CEP89: variants seen among roughly 807,000 people sequenced by gnomAD.
The protein encoded by CEP89 is centrosomal protein of 89 kDa.
A neutral mutation model predicts 97.6 loss-of-function variants in CEP89; 95 were observed. The observed-to-expected ratio is 0.97, with a 90% CI of 0.82 to 1.15. The LOEUF (loss-of-function observed/expected upper bound fraction) is 1.15, where lower values mean the gene tolerates loss of function less well. Ranked by LOEUF, CEP89 falls within the 50% of genes most tolerant of loss-of-function variation. The probability of loss-of-function intolerance (pLI) is 0.00; values close to 1 mark genes in which losing one functional copy is unlikely to be tolerated. For synonymous variants in CEP89, 354 were observed against 349.1 expected, an observed-to-expected ratio of 1.01 and a Z score of -0.16; for missense variants, 869 against 947.7, an observed-to-expected ratio of 0.92 and a Z score of 1.09.
rs1436944075 is a variant in CEP89, at chr19:32,971,631, T to G, written c.39+205A>C. The G allele has an allele frequency of 9.8e-6, 6 of 611,668 alleles. No individual in the cohort carries two copies. In the African/African-American group the frequency reaches 1.1e-4, roughly 12 times the overall value. The allele number at this position is 611,668 out of a possible 1,614,324, so 37.9% of individuals were successfully genotyped here. A position where few individuals can be genotyped will look rare whatever the true frequency, so the allele number is the denominator to read the frequency against. On this transcript the variant is annotated intron_variant, in intron 1 of 18. Coordinates refer to ENST00000305768, the MANE Select transcript of CEP89 (RefSeq NM_032816.5). ...ATGATCGCACCACTGCACTCTAGCC[T>G]GGGCGACAGAGCGAGACCCTGTTTC...
At chr19:32,956,923 CCT>C (rs1311742584) in intron 3 of CEP89, among the ~76,000 whole-genome samples, 1 of 152,030 alleles carries the variant, frequency 6.6e-6, no homozygotes, top group Non-Finnish European at 1.5e-5. Flanking sequence ...AGAGTATAGT[CCT>C]TCATTCATTA....
chr19:32,938,634 G>C (rs1044439380), intron 6 of CEP89, among the ~76,000 whole-genome samples: 7 of 152,138 alleles, frequency 4.6e-5, no homozygotes, highest in Admixed American at 1.3e-4. Flanking sequence ...CTATTTCCAT[G>C]TTTGCAAATT....
intron 9 of CEP89, among the ~76,000 whole-genome samples, chr19:32,927,481 T>G (rs1194991911): frequency 6.6e-6 from 1 of 152,180 alleles, no homozygotes; most frequent in Non-Finnish European, 1.5e-5. Context: ...TATAATACTA[T>G]TTTTTAACCT....
chr19:32,937,305 G>T (rs1407347143), intron 7 of CEP89, among the ~76,000 whole-genome samples: 1 of 151,872 alleles, frequency 6.6e-6, no homozygotes, highest in African/African-American at 2.4e-5. Context: ...CCTCCCACTG[G>T]GATCCCAGCA....
chr19:32,959,046 CAAAA>C (rs34340476), intron 3 of CEP89, among the ~76,000 whole-genome samples: 3 of 102,364 alleles, frequency 2.9e-5, no homozygotes, highest in Admixed American at 8.4e-5. Flanking sequence ...ACAAACAAAA[CAAAA>C]AAAAAAAAAA....
chr19:32,894,275 C>T (rs1198989921), intron 16 of CEP89, among the ~76,000 whole-genome samples: 4 of 152,150 alleles, frequency 2.6e-5, no homozygotes, highest in African/African-American at 9.7e-5. Context: ...AGTGAAGCCC[C>T]ACATGCTCCT....
chr19:32,960,122 G>C, intron 2 of CEP89, 64 bp from the exon 3 acceptor site: 1 of 1,572,202 alleles, frequency 6.4e-7, no homozygotes, highest in East Asian at 2.3e-5. Flanking sequence ...TGCTGAACAA[G>C]GTACATAAAC....
intron 5 of CEP89, among the ~76,000 whole-genome samples, chr19:32,944,316 G>A (rs1280537438): frequency 6.6e-6 from 1 of 151,596 alleles, no homozygotes; most frequent in African/African-American, 2.4e-5. Flanking sequence ...GGAAACCTGG[G>A]CGCAGCACAC....
chr19:32,925,998 C>G (rs1171828888), intron 11 of CEP89, among the ~76,000 whole-genome samples, 192 bp downstream of exon 11: 1 of 152,086 alleles, frequency 6.6e-6, no homozygotes, highest in Non-Finnish European at 1.5e-5. Context: ...CACTCCCTTA[C>G]TTCCTCCCCT....
At chr19:32,896,780 T>TC (rs969588686) in intron 16 of CEP89, among the ~76,000 whole-genome samples, 10 of 143,234 alleles carry the variant, frequency 7.0e-5, no homozygotes, top group South Asian at 4.5e-4. Flanking sequence ...TCTCTCTCTC[T>TC]TTTTTTTTTT....
At chr19:32,923,623 T>A in intron 11 of CEP89, 81 bp from the exon 12 acceptor site, 1 of 894,606 alleles carries the variant, frequency 1.1e-6, no homozygotes, top group Non-Finnish European at 1.8e-6. Flanking sequence ...CTGCTGTGGC[T>A]AAAATCAAAT....
Position 32,953,710 on chromosome 19 carries a change from G to A in CEP89, c.397C>T (p.Leu133=). The A allele has an allele frequency of 6.2e-7, 1 of 1,614,006 alleles. No individual in the cohort carries two copies. Among genetic ancestry groups the A allele is most frequent in the Non-Finnish European group, 8.5e-7 (1 of 1,179,914 alleles). ...YGDEEDIETQ[L]SSSGKELGDV... Reference sequence around the variant, plus strand: ...CCCAATTCCTTGCCGCTGGATGACAGCTGAGTTTCAATGTCCTCTTCGTCC... The same window carrying A: ...CCCAATTCCTTGCCGCTGGATGACAACTGAGTTTCAATGTCCTCTTCGTCC... Residue 133 remains leucine, a synonymous_variant, in exon 4 of 19, where the codon CTG becomes TTG. Coordinates refer to ENST00000305768, the MANE Select transcript of CEP89 (RefSeq NM_032816.5).
intron 14 of CEP89, among the ~76,000 whole-genome samples, chr19:32,911,194 G>A (rs8111100): frequency 0.31 from 47,026 of 152,142 alleles, 7,676 homozygotes; most frequent in Admixed American, 0.41. Context: ...TGTCGTATAT[G>A]TGGTCCATTG....
chr19:32,912,314 G>A (rs74946510), intron 14 of CEP89, among the ~76,000 whole-genome samples: 6 of 152,240 alleles, frequency 3.9e-5, no homozygotes, highest in East Asian at 3.9e-4. Context: ...AACACTAGAC[G>A]TTGCTGTGAA....
intron 3 of CEP89, among the ~76,000 whole-genome samples, chr19:32,954,036 T>C (rs35690203): frequency 0.14 from 21,145 of 147,946 alleles, 1,887 homozygotes; most frequent in East Asian, 0.19. Context: ...GCCTGGCTAA[T>C]TTTTTTTTTT....
chr19:32,948,251 GTTT>G lies in CEP89; in HGVS notation c.595+12_595+14del. On this transcript the variant is annotated intron_variant, in intron 5 of 18. Transcript: ENST00000305768. ...GTTCTTATATTTTATAAAAATTGTGGTTTTTTTTTTCTACCTTTTTGTTGTGTC... is the reference window on the plus strand; with the variant it reads ...GTTCTTATATTTTATAAAAATTGTGGTTTTTTTCTACCTTTTTGTTGTGTC... 1 of 1,348,732 alleles carries G rather than the reference GTTT, an allele frequency of 7.4e-7. No individual in the cohort carries two copies. Among genetic ancestry groups the G allele is most frequent in the Non-Finnish European group, 1.0e-6 (1 of 979,792 alleles). 83.5% of individuals were successfully genotyped at this position (1,348,732 alleles called of 1,614,324 possible).
rs1284787454 is a variant in CEP89, at chr19:32,960,000, G to C, written c.205C>G (p.Pro69Ala). Reference sequence around the variant, plus strand: ...GACCGGGACCTCTGGCGAGGCTGAGGAATAGCAACCGTCCGCCCAGTCAAT... The same window carrying C: ...GACCGGGACCTCTGGCGAGGCTGAGCAATAGCAACCGTCCGCCCAGTCAAT... ...TTLTGRTVAI[P>A]QPRQRSRSES... is the part of the protein sequence containing the mutation. The change falls in exon 3 of 19, where the codon CCT becomes GCT. Residue 69 changes from proline (P) to alanine (A), a missense_variant. By Grantham distance (27) the Pro-to-Ala change is conservative. Coordinates refer to ENST00000305768, the MANE Select transcript of CEP89 (RefSeq NM_032816.5). 6.2e-7 allele frequency: 1 copy of C among 1,614,208 alleles called. No individual in the cohort carries two copies. The highest frequency in any genetic ancestry group is 8.5e-7 in the Non-Finnish European group (1 of 1,180,040).
chr19:32,917,633 G>A (rs1400464744), intron 13 of CEP89: 1 of 181,034 alleles, frequency 5.5e-6, no homozygotes. Context: ...CATGAATTAC[G>A]GTTTTAAAGC....
At chr19:32,921,643 A>G (rs1411822199) in intron 12 of CEP89, among the ~76,000 whole-genome samples, 1 of 152,240 alleles carries the variant, frequency 6.6e-6, no homozygotes, top group East Asian at 1.9e-4. Flanking sequence ...AATGCTAGGG[A>G]AGGAATCTGG....
Sources: allele counts gnomAD v4.1 joint callset (sites outside exome capture counted in the v4.1 genomes callset), GRCh38; gene constraint gnomAD v4.1.1; transcripts MANE v1.5; gene names NCBI Gene and HGNC (gene_info 2026-07-23, HGNC 2026-07-21).